The following ACAP2 variants were observed in gnomAD, a reference collection of about 807,000 sequenced individuals.
The protein encoded by ACAP2 is arf-GAP with coiled-coil, ANK repeat and PH domain-containing protein 2.
Under a neutral mutation model 115.8 loss-of-function variants are expected in ACAP2, and 39 were observed. The ratio of observed to expected loss-of-function variants is 0.34; its 90% CI spans 0.26 to 0.44. The LOEUF (loss-of-function observed/expected upper bound fraction) is 0.44. Among genes scored for constraint, ACAP2 ranks in the 20% least tolerant of loss-of-function variants. ACAP2 has a pLI of 1.00. For synonymous variants in ACAP2, 289 were observed against 315.8 expected (o/e 0.92, Z 0.90); for missense variants, 662 against 927.6 (o/e 0.71, Z 3.72).
intron 15 of ACAP2, among the ~76,000 whole-genome samples, chr3:195,299,970 A>G (rs1340472114): frequency 6.6e-6 from 1 of 152,168 alleles, no homozygotes; most frequent in Non-Finnish European, 1.5e-5. Flanking sequence ...ATTTCAAAAA[A>G]AATTAAAAAC....
intron 8 of ACAP2, among the ~76,000 whole-genome samples, chr3:195,329,079 C>CAAAA (rs57471736): frequency 3.2e-5 from 3 of 93,826 alleles, no homozygotes; most frequent in Non-Finnish European, 6.7e-5. Context: ...GACTCCGTCT[C>CAAAA]AAAAAAAAAA....
intron 17 of ACAP2, 174 bp downstream of exon 17, chr3:195,295,534 A>C: frequency 1.4e-6 from 1 of 715,630 alleles, no homozygotes; most frequent in Non-Finnish European, 2.3e-6. Flanking sequence ...ATATTATGGC[A>C]TTGTTTAAAG....
intron 1 of ACAP2, among the ~76,000 whole-genome samples, chr3:195,398,684 G>A (rs1712014230): frequency 7.7e-6 from 1 of 129,152 alleles, no homozygotes; most frequent in Non-Finnish European, 1.7e-5. Flanking sequence ...TAAATAAAAT[G>A]TCTCTGCCTT....
intron 10 of ACAP2, among the ~76,000 whole-genome samples, chr3:195,319,188 T>A (rs1235817036): frequency 6.6e-6 from 1 of 152,224 alleles, no homozygotes; most frequent in Non-Finnish European, 1.5e-5. Context: ...TCCACCTAGA[T>A]TCCAGAGGAT....
At position 195,345,334 on chromosome 3, in the gene ACAP2, AATATTAAGTG is replaced by A; in HGVS notation, c.286-27_286-18del. ...AAACAGGATCTAAAAAATAAAATGT[AATATTAAGTG>A]ATTAGAAAAGTAAACAAAATAATTT... is the stretch of plus-strand genomic sequence containing the variant. On this transcript the variant is annotated intron_variant, in intron 4 of 22. Coordinates refer to ENST00000326793, the MANE Select transcript of ACAP2 (RefSeq NM_012287.6). The A allele has an allele frequency of 6.6e-7, 1 of 1,512,762 alleles. No homozygotes were observed. Among genetic ancestry groups the A allele is most frequent in the Non-Finnish European group, 9.2e-7 (1 of 1,089,918 alleles). The allele number at this position is 1,512,762 out of a possible 1,614,324, so 93.7% of individuals were successfully genotyped here.
intron 13 of ACAP2, 137 bp downstream of exon 13, chr3:195,306,374 C>T: frequency 4.1e-6 from 2 of 487,026 alleles, no homozygotes; most frequent in Admixed American, 3.3e-5. Flanking sequence ...AAATTAAATC[C>T]AGATTTTAAA....
At chr3:195,356,204 A>G (rs751656253) in intron 4 of ACAP2, 1 of 456,664 alleles carries the variant, frequency 2.2e-6, no homozygotes, top group South Asian at 1.5e-5. Context: ...GAAAGAGCAC[A>G]GCAACTGTGG....
intron 2 of ACAP2, among the ~76,000 whole-genome samples, chr3:195,390,856 T>C (rs1577402378): frequency 6.6e-6 from 1 of 151,632 alleles, no homozygotes; most frequent in Middle Eastern, 3.4e-3. Flanking sequence ...AAGAGAAACA[T>C]GTAAATGAGC....
intron 2 of ACAP2, among the ~76,000 whole-genome samples, chr3:195,384,710 G>C (rs1400246554): frequency 7.1e-6 from 1 of 141,528 alleles, no homozygotes; most frequent in South Asian, 2.4e-4. Context: ...CTCAGTGACA[G>C]AGCGAGGCTG....
chr3:195,421,829 T>C (rs1714217183), intron 1 of ACAP2, among the ~76,000 whole-genome samples: 1 of 152,234 alleles, frequency 6.6e-6, no homozygotes, highest in African/African-American at 2.4e-5. Context: ...GGAAAGATTA[T>C]TTCTAAATAC....
chr3:195,423,753 G>A (rs1462910427), intron 1 of ACAP2, among the ~76,000 whole-genome samples: 1 of 151,858 alleles, frequency 6.6e-6, no homozygotes, highest in Non-Finnish European at 1.5e-5. Flanking sequence ...AATAAGCATG[G>A]CTATATTCCA....
At chr3:195,378,195 T>A (rs1733693588) in intron 4 of ACAP2, among the ~76,000 whole-genome samples, 2 of 151,420 alleles carry the variant, frequency 1.3e-5, no homozygotes, top group African/African-American at 4.8e-5. Flanking sequence ...GCACTAGTAT[T>A]AAAAAGACCA....
chr3:195,305,396 T>A (rs1728355726), intron 13 of ACAP2, among the ~76,000 whole-genome samples: 1 of 152,226 alleles, frequency 6.6e-6, no homozygotes, highest in Non-Finnish European at 1.5e-5. Flanking sequence ...TTCTCAAGAT[T>A]ATTTCCAATC....
intron 2 of ACAP2, among the ~76,000 whole-genome samples, chr3:195,383,623 T>A: frequency 6.7e-6 from 1 of 149,080 alleles, no homozygotes. Flanking sequence ...GATGCAAAGC[T>A]CAAATACTAT....
chr3:195,314,411 A>G (rs1162526075), intron 10 of ACAP2, among the ~76,000 whole-genome samples: 1 of 151,888 alleles, frequency 6.6e-6, no homozygotes, highest in Admixed American at 6.6e-5. Flanking sequence ...GGGATTACAG[A>G]TGCGTGCCAC....
intron 6 of ACAP2, among the ~76,000 whole-genome samples, chr3:195,339,685 A>G (rs1730744001): frequency 6.6e-6 from 1 of 152,050 alleles, no homozygotes; most frequent in African/African-American, 2.4e-5. Context: ...AAAATCAAAC[A>G]AACTAATAGT....
chr3:195,433,735 A>G (rs1715317852), intron 1 of ACAP2, among the ~76,000 whole-genome samples: 1 of 152,188 alleles, frequency 6.6e-6, no homozygotes, highest in Non-Finnish European at 1.5e-5. Flanking sequence ...CTATTATTAT[A>G]GTATATTGCA....
intron 4 of ACAP2, among the ~76,000 whole-genome samples, chr3:195,378,485 C>A (rs1229246890): frequency 6.7e-6 from 1 of 148,996 alleles, no homozygotes; most frequent in East Asian, 2.1e-4. Context: ...AGCGAGACTC[C>A]GTCTCAAAAC....
At chr3:195,375,585 G>T (rs189358070) in intron 4 of ACAP2, among the ~76,000 whole-genome samples, 1 of 151,286 alleles carries the variant, frequency 6.6e-6, no homozygotes, top group African/African-American at 2.4e-5. Flanking sequence ...GCCGAGGCAG[G>T]ATGATCACTT....
Sources: gnomAD v4.1 joint callset for allele counts (sites outside exome capture counted in the v4.1 genomes callset) on GRCh38, gnomAD v4.1.1 for gene constraint, MANE v1.5 for transcripts, NCBI Gene and HGNC (gene_info 2026-07-23, HGNC 2026-07-21) for gene names.